The following RTL4 variants were observed in gnomAD, a reference collection of about 807,000 sequenced individuals.
RTL4 encodes the protein retrotransposon Gag like 4.
Under a neutral mutation model 5.3 loss-of-function variants are expected in RTL4, and 4 were observed. That is an observed-to-expected ratio of 0.75 (90% CI 0.37 to 1.72). The LOEUF (loss-of-function observed/expected upper bound fraction) is 1.72, where lower values mean the gene tolerates loss of function less well. Ranked by LOEUF, RTL4 falls within the 40% of genes most tolerant of loss-of-function variation. The pLI is 0.04. For missense variants in RTL4, 260 were observed against 227.1 expected (o/e 1.14, Z -0.93); for synonymous variants, 98 against 87.3 (o/e 1.12, Z -0.68).
the RTL4 span, among the ~76,000 whole-genome samples, chrX:112,113,889 C>A: frequency 9.0e-6 from 1 of 111,682 alleles, no homozygotes; most frequent in East Asian, 2.8e-4. Context: ...TAGGCTGCAG[C>A]CTTTCTCTGA....
At chrX:112,240,214 A>G in the RTL4 span, among the ~76,000 whole-genome samples, 1 of 112,199 alleles carries the variant, frequency 8.9e-6, no homozygotes, top group East Asian at 2.8e-4. Flanking sequence ...ACTGGTGACA[A>G]GACAAGGAAC....
chrX:112,194,084 C>G, the RTL4 span, among the ~76,000 whole-genome samples: 1 of 112,045 alleles, frequency 8.9e-6, no homozygotes, highest in South Asian at 3.8e-4. Flanking sequence ...AGGAAGGGCA[C>G]TTTGAGAGAT....
At chrX:112,241,161 A>G in the RTL4 span, among the ~76,000 whole-genome samples, 1 of 111,493 alleles carries the variant, frequency 9.0e-6, no homozygotes, top group Non-Finnish European at 1.9e-5. Context: ...ATTTACAAAT[A>G]CCATAAAGAT....
chrX:112,169,705 A>G, the RTL4 span, among the ~76,000 whole-genome samples: 1 of 111,375 alleles, frequency 9.0e-6, no homozygotes, highest in East Asian at 2.8e-4. Flanking sequence ...CACCTCATCT[A>G]GTTCTCCTGG....
At chrX:112,351,245 T>C in the RTL4 span, among the ~76,000 whole-genome samples, 2 of 108,927 alleles carry the variant, frequency 1.8e-5, no homozygotes, top group Non-Finnish European at 3.8e-5. Context: ...TTTGTTATAA[T>C]TTCTGTTCTT....
the RTL4 span, among the ~76,000 whole-genome samples, chrX:112,155,481 A>T: frequency 9.0e-6 from 1 of 111,440 alleles, no homozygotes; most frequent in Non-Finnish European, 1.9e-5. Flanking sequence ...GAAATGCCAT[A>T]CAGGTCAAAT....
the RTL4 span, among the ~76,000 whole-genome samples, chrX:112,444,817 T>TA: frequency 5.3e-5 from 6 of 112,257 alleles, no homozygotes; most frequent in African/African-American, 1.9e-4. Context: ...TAGTAGGAAA[T>TA]AATGTTCCTT....
At chrX:112,111,582 A>G in the RTL4 span, among the ~76,000 whole-genome samples, 25 of 112,885 alleles carry the variant, frequency 2.2e-4, no homozygotes, top group African/African-American at 7.4e-4. Context: ...GTAGGATTAG[A>G]TAAGCATACT....
the RTL4 span, among the ~76,000 whole-genome samples, chrX:112,132,196 C>T: frequency 1.1e-4 from 12 of 111,606 alleles, 1 homozygote; most frequent in Admixed American, 7.6e-4. Context: ...CACAAAATAA[C>T]CTATCATCAT....
At chrX:112,277,194 T>C in the RTL4 span, among the ~76,000 whole-genome samples, 2 of 110,995 alleles carry the variant, frequency 1.8e-5, no homozygotes, top group Non-Finnish European at 3.8e-5. Flanking sequence ...GAGGATTGAG[T>C]AAATCTATGC....
the RTL4 span, chrX:112,381,471 G>A: frequency 1.7e-6 from 2 of 1,206,211 alleles, no homozygotes; most frequent in Non-Finnish European, 2.2e-6. Flanking sequence ...GAGCTACACC[G>A]AGAAAAGTTA....
chrX:112,327,634 C>G, the RTL4 span, among the ~76,000 whole-genome samples: 1 of 109,472 alleles, frequency 9.1e-6, no homozygotes, highest in African/African-American at 3.3e-5. Flanking sequence ...GGCCAACATT[C>G]AGATTCAGGA....
At chrX:112,188,487 G>T in the RTL4 span, among the ~76,000 whole-genome samples, 2 of 111,875 alleles carry the variant, frequency 1.8e-5, no homozygotes, top group Non-Finnish European at 3.8e-5. Context: ...GACAGCAAAT[G>T]ATGAAAAAGG....
the RTL4 span, among the ~76,000 whole-genome samples, chrX:112,292,325 T>G: frequency 2.7e-5 from 3 of 111,739 alleles, no homozygotes; most frequent in Non-Finnish European, 5.6e-5. Flanking sequence ...TGCTTTTGTT[T>G]TGTTCCTTTC....
chrX:112,131,236 A>G, the RTL4 span, among the ~76,000 whole-genome samples: 10 of 103,622 alleles, frequency 9.7e-5, no homozygotes, highest in Non-Finnish European at 2.0e-5. Flanking sequence ...TTTTTTTACC[A>G]GTTTCTGCTT....
chrX:112,198,901 C>T, the RTL4 span, among the ~76,000 whole-genome samples: 3 of 110,657 alleles, frequency 2.7e-5, no homozygotes, highest in Non-Finnish European at 3.8e-5. Context: ...TTCTTTGTGC[C>T]GCAACTTGAA....
chrX:112,341,414 G>T, the RTL4 span, among the ~76,000 whole-genome samples: 2 of 111,822 alleles, frequency 1.8e-5, no homozygotes, highest in East Asian at 5.6e-4. Flanking sequence ...GCACCAACAT[G>T]GTACCAGAAC....
chrX:112,331,633 T>C, the RTL4 span, among the ~76,000 whole-genome samples: 2 of 107,801 alleles, frequency 1.9e-5, no homozygotes, highest in Non-Finnish European at 3.8e-5. Flanking sequence ...AGAAATACCA[T>C]TTGACCCAGC....
At chrX:112,235,344 G>T in the RTL4 span, among the ~76,000 whole-genome samples, 2 of 111,527 alleles carry the variant, frequency 1.8e-5, no homozygotes, top group Non-Finnish European at 3.8e-5. Flanking sequence ...CTTAATAAGG[G>T]GTAATGGCTT....
Sources: allele counts gnomAD v4.1 joint callset (sites outside exome capture counted in the v4.1 genomes callset), GRCh38; gene constraint gnomAD v4.1.1; transcripts MANE v1.5; gene names NCBI Gene and HGNC (gene_info 2026-07-23, HGNC 2026-07-21).